The following RIF1 variants were observed in gnomAD, a reference collection of about 807,000 sequenced individuals.
The protein encoded by RIF1 is telomere-associated protein RIF1.
A neutral mutation model predicts 247.1 loss-of-function variants in RIF1; 45 were observed. The ratio of observed to expected loss-of-function variants is 0.18; its 90% CI spans 0.14 to 0.23. The LOEUF is 0.23. Among genes scored for constraint, RIF1 ranks in the 10% least tolerant of loss-of-function variants. The pLI is 1.00. For missense variants in RIF1, 2,967 were observed against 2,862.5 expected, an observed-to-expected ratio of 1.04 and a Z score of -0.83; for synonymous variants, 1,087 against 978.8, an observed-to-expected ratio of 1.11 and a Z score of -2.06.
chr2:151,493,806 C>T, intron 9 of RIF1: 1 of 1,586,036 alleles, frequency 6.3e-7, no homozygotes, highest in Non-Finnish European at 8.6e-7. Flanking sequence ...GCGTTTCACT[C>T]TTTCCATCTC....
At chr2:151,514,355 A>G in the RIF1 span, 2 of 1,613,832 alleles carry the variant, frequency 1.2e-6, no homozygotes, top group African/African-American at 1.3e-5. Context: ...TGCTCTTAGC[A>G]TGTCAGGTGT....
intron 9 of RIF1, among the ~76,000 whole-genome samples, chr2:151,487,481 G>A (rs1165686297): frequency 2.0e-5 from 3 of 152,044 alleles, no homozygotes; most frequent in Non-Finnish European, 1.5e-5. Flanking sequence ...AAATAATACT[G>A]TGATTTGTTC....
rs115010500 is a variant in RIF1, at chr2:151,428,307, T to A, written c.787-477T>A. The stretch of plus-strand genomic sequence containing the variant: ...TTTTATTAGCAGATAATACTGTTTT[T>A]AAAAAATATTTCTTTTACAGCCATG... On this transcript the variant is annotated intron_variant, in intron 8 of 35. Coordinates refer to ENST00000444746, the MANE Select transcript of RIF1 (RefSeq NM_018151.5). Among the ~76,000 whole-genome samples, 1,140 of 152,332 alleles carry A rather than the reference T, an allele frequency of 7.5e-3. 18 individuals are homozygous for A. The highest frequency in any genetic ancestry group is 0.026 in the African/African-American group (1,082 of 41,574).
chr2:151,531,109 A>G, the RIF1 span: 1 of 1,561,288 alleles, frequency 6.4e-7, no homozygotes, highest in South Asian at 1.1e-5. Context: ...GATCTGAAAG[A>G]TCAAAAAGCA....
At chr2:151,483,845 G>A (rs1241417659), downstream of RIF1, among the ~76,000 whole-genome samples, 1 of 152,076 alleles carries the variant, frequency 6.6e-6, no homozygotes, top group Non-Finnish European at 1.5e-5. Flanking sequence ...GCACATGCGA[G>A]GGATCTAGGT....
rs146690640 is a variant in RIF1 at position 151,440,124 on chromosome 2, G to A, written c.1644G>A (p.Thr548=). 4.4e-5 allele frequency: 67 copies of A among 1,517,062 alleles called. No individual in the cohort carries two copies. Among genetic ancestry groups the A allele is most frequent in the Admixed American group, 5.5e-5 (3 of 54,784 alleles). 94.0% of individuals were successfully genotyped at this position (1,517,062 alleles called of 1,614,324 possible). Residue 548 remains threonine (T), a synonymous_variant, in exon 15 of 36, where the codon ACG becomes ACA. Coordinates refer to ENST00000444746, the MANE Select transcript of RIF1 (RefSeq NM_018151.5). The stretch of plus-strand genomic sequence containing the variant: ...CTGAAGTATTTCCTGTATCAAAAAC[G>A]CTGGTAAGTATAATACCCGTATGTT... The part of the protein sequence containing the change: ...VKSEVFPVSK[T]LVLMEITIKG...
chr2:151,461,541 G>A (rs983970185), intron 27 of RIF1, among the ~76,000 whole-genome samples: 3 of 151,904 alleles, frequency 2.0e-5, no homozygotes, highest in Non-Finnish European at 4.4e-5. Flanking sequence ...ACAGGCATGT[G>A]CCACCACGCC....
chr2:151,414,936 T>C lies in RIF1; in HGVS notation c.280+17T>C. 2 of 1,468,570 alleles carry C rather than the reference T, an allele frequency of 1.4e-6. No individual in the cohort carries two copies. The highest frequency in any genetic ancestry group is 1.9e-6 in the Non-Finnish European group (2 of 1,053,310). The allele number at this position is 1,468,570 out of a possible 1,614,324, so 91.0% of individuals were successfully genotyped here. A position where few individuals can be genotyped will look rare whatever the true frequency, so the allele number is the denominator to read the frequency against. ...AATTATCAGGTAGATAAATTTCTTA[T>C]GACTTAATATTTTTAGAGTATAAAG... On this transcript the variant is annotated intron_variant, in intron 4 of 35. Transcript: ENST00000444746.
At chr2:151,447,743 C>T (rs1301047352) in intron 20 of RIF1, among the ~76,000 whole-genome samples, 2 of 152,158 alleles carry the variant, frequency 1.3e-5, no homozygotes, top group African/African-American at 4.8e-5. Context: ...TGGGGTTTCA[C>T]CATGTTGGCC....
At chr2:151,514,970 T>G in the RIF1 span, 4 of 1,287,764 alleles carry the variant, frequency 3.1e-6, no homozygotes, top group Admixed American at 4.1e-5. Flanking sequence ...AAAAAAATCT[T>G]TATTACAATA....
chr2:151,421,829 C>G (rs1285773324), intron 7 of RIF1, among the ~76,000 whole-genome samples: 1 of 151,628 alleles, frequency 6.6e-6, no homozygotes, highest in African/African-American at 2.4e-5. Context: ...ATTTTAGTGA[C>G]ATATATAATT....
the RIF1 span, chr2:151,524,653 G>GCT: frequency 1.9e-6 from 1 of 514,460 alleles, no homozygotes; most frequent in African/African-American, 2.6e-5. Context: ...CAAGAGAGAG[G>GCT]CTTTTTTTTT....
At chr2:151,455,834 T>C (rs540263273) in intron 22 of RIF1, among the ~76,000 whole-genome samples, 1 of 152,290 alleles carries the variant, frequency 6.6e-6, no homozygotes, top group Non-Finnish European at 1.5e-5. Context: ...ACCATATACA[T>C]GAGAATCTCA....
At chr2:151,533,611 A>C in the RIF1 span, 6 of 1,023,874 alleles carry the variant, frequency 5.9e-6, no homozygotes, top group Admixed American at 2.0e-5. Flanking sequence ...ACACGGCTCT[A>C]TATCCCAATC....
intron 10 of RIF1, chr2:151,496,306 T>A: frequency 6.2e-7 from 1 of 1,611,906 alleles, no homozygotes; most frequent in Non-Finnish European, 8.5e-7. Flanking sequence ...TGTGTTTGAC[T>A]CGCTCCATCT....
intron 20 of RIF1, among the ~76,000 whole-genome samples, chr2:151,450,471 A>G (rs371987336): frequency 6.6e-6 from 1 of 152,166 alleles, no homozygotes; most frequent in Non-Finnish European, 1.5e-5. Flanking sequence ...TGATGTTTTC[A>G]TTGTAATGTG....
chr2:151,514,372 CA>C, the RIF1 span: 1 of 1,613,884 alleles, frequency 6.2e-7, no homozygotes. Flanking sequence ...GTGTATCTTC[CA>C]TTTCAGTGAG....
Position 151,475,013 on chromosome 2 carries a change from C to G in RIF1, c.7361C>G (p.Ser2454Cys), listed in dbSNP as rs746756638. 6.2e-6 allele frequency: 10 copies of G among 1,613,600 alleles called. No homozygotes were observed. The highest frequency in any genetic ancestry group is 1.7e-6 in the Non-Finnish European group (2 of 1,179,688). Residue 2454 changes from serine to cysteine, a missense_variant, in exon 36 of 36, where the codon TCT (serine) becomes TGT (cysteine). Physicochemically the swap from Ser to Cys is moderately radical, Grantham distance 112. Coordinates refer to ENST00000444746, the MANE Select transcript of RIF1 (RefSeq NM_018151.5). ...GAGAAACTAAGTTGTATGGCAAACT[C>G]TGTAATAAAAAATCTACAGTCACGT... ...MHEKLSCMAN[S>C]VIKNLQSRWR...
chr2:151,436,737 A>T, intron 11 of RIF1, 90 bp from the exon 12 acceptor site: 1 of 951,486 alleles, frequency 1.1e-6, no homozygotes, highest in Non-Finnish European at 1.5e-6. Flanking sequence ...CTCTGTTTTT[A>T]AAAGTTTCAT....
Sources: allele counts gnomAD v4.1 joint callset (sites outside exome capture counted in the v4.1 genomes callset), GRCh38; gene constraint gnomAD v4.1.1; transcripts MANE v1.5; gene names NCBI Gene and HGNC (gene_info 2026-07-23, HGNC 2026-07-21).